Variants in RASSF2 observed in about 807,000 individuals in gnomAD.
RASSF2 encodes the protein ras association domain-containing protein 2.
In RASSF2, 34 loss-of-function variants were observed where a neutral mutation model predicts 46.3. That is an observed-to-expected ratio of 0.73 (90% CI 0.56 to 0.98). The LOEUF (loss-of-function observed/expected upper bound fraction) is 0.98, where lower values mean the gene tolerates loss of function less well. Among genes scored for constraint, RASSF2 ranks in the 50% least tolerant of loss-of-function variants. The probability of loss-of-function intolerance (pLI) is 0.00; values close to 1 mark genes in which losing one functional copy is unlikely to be tolerated. For synonymous variants in RASSF2, 158 were observed against 162.5 expected, an observed-to-expected ratio of 0.97 and a Z score of 0.21; for missense variants, 364 against 431.2, an observed-to-expected ratio of 0.84 and a Z score of 1.38.
At chr20:4,797,232 A>G (rs199585818) in intron 4 of RASSF2, among the ~76,000 whole-genome samples, 1 of 152,304 alleles carries the variant, frequency 6.6e-6, no homozygotes, top group African/African-American at 2.4e-5. Context: ...GAGTGGTTTG[A>G]GGGACACAGA....
In RASSF2 at chr20:4,812,687, T is replaced by TTA. The variant is rs2122651564; in HGVS notation, c.-33+9641_-33+9642insTA. 6.6e-6 allele frequency among the ~76,000 whole-genome samples: 1 copy of TTA among 152,314 alleles called. No homozygotes were observed. Among genetic ancestry groups the TTA allele is most frequent in the Admixed American group, 6.5e-5 (1 of 15,310 alleles). On this transcript the variant is annotated intron_variant, in intron 2 of 11. Coordinates refer to ENST00000379400, the MANE Select transcript of RASSF2 (RefSeq NM_014737.3). The surrounding 1 kb of genome is among the most constrained non-coding windows in gnomAD (Gnocchi z 4.0). ...CCAGGGCTGCTGCTGATGCTGCTGG[T>TTA]GGTAGCAGGCTCTAGATGCTTTATC...
At chr20:4,819,704 C>T (rs1310276790) in intron 2 of RASSF2, among the ~76,000 whole-genome samples, 1 of 152,192 alleles carries the variant, frequency 6.6e-6, no homozygotes, top group Non-Finnish European at 1.5e-5. Flanking sequence ...TAAAAATGAG[C>T]AGTTAATCAC....
At chr20:4,821,331 A>G (rs1928676477) in intron 2 of RASSF2, among the ~76,000 whole-genome samples, 1 of 152,240 alleles carries the variant, frequency 6.6e-6, no homozygotes, top group African/African-American at 2.4e-5. Flanking sequence ...GGACAGAGTG[A>G]GGCCACGCTC....
chr20:4,803,498 G>C (rs1927066142), intron 2 of RASSF2, among the ~76,000 whole-genome samples: 2 of 152,142 alleles, frequency 1.3e-5, no homozygotes, highest in African/African-American at 4.8e-5. Flanking sequence ...TCATGCCCGT[G>C]ACTGCAATAC....
At chr20:4,820,329 A>C (rs1928606913) in intron 2 of RASSF2, among the ~76,000 whole-genome samples, 1 of 151,626 alleles carries the variant, frequency 6.6e-6, no homozygotes, top group South Asian at 2.1e-4. Flanking sequence ...ACATAGCGAG[A>C]CTTCATCTCT....
chr20:4,787,766 C>G lies in RASSF2; in HGVS notation c.692-12G>C. The G allele has an allele frequency of 6.2e-7, 1 of 1,614,174 alleles. No homozygotes were observed. Among genetic ancestry groups the G allele is most frequent in the Non-Finnish European group, 8.5e-7 (1 of 1,180,036 alleles). On this transcript the variant is annotated splice_polypyrimidine_tract_variant and intron_variant, in intron 9 of 11. Coordinates refer to ENST00000379400, the MANE Select transcript of RASSF2 (RefSeq NM_014737.3). The stretch of plus-strand genomic sequence containing the variant: ...CAGCTTCTGTTTCTCTGCAACCACA[C>G]ACACCCAGGAGCAGCCCTGAGAGGC...
intron 9 of RASSF2, among the ~76,000 whole-genome samples, chr20:4,787,965 G>C (rs918041486): frequency 3.3e-5 from 5 of 152,182 alleles, no homozygotes; most frequent in East Asian, 3.9e-4. Flanking sequence ...CTCCTTGGAG[G>C]AATTGGGTTT....
chr20:4,818,640 C>T (rs1358148987), intron 2 of RASSF2, among the ~76,000 whole-genome samples: 2 of 152,170 alleles, frequency 1.3e-5, no homozygotes, highest in Non-Finnish European at 2.9e-5. Flanking sequence ...CCCCCAAAGC[C>T]CCTACCAAGA....
intron 5 of RASSF2, among the ~76,000 whole-genome samples, chr20:4,793,569 A>G (rs1189518826): frequency 6.6e-6 from 1 of 152,240 alleles, no homozygotes; most frequent in Non-Finnish European, 1.5e-5. Flanking sequence ...CACCCAGAGC[A>G]GCGACTCCCA....
At chr20:4,815,872 T>C (rs73593115) in intron 2 of RASSF2, among the ~76,000 whole-genome samples, 3,091 of 152,302 alleles carry the variant, frequency 0.02, 95 homozygotes, top group African/African-American at 0.07. Flanking sequence ...AGCACCCTGA[T>C]ACTGCCCAGG....
In RASSF2 at chr20:4,790,412, A is replaced by G; in HGVS notation, c.537+39T>C. On this transcript the variant is annotated intron_variant, in intron 7 of 11. Coordinates refer to ENST00000379400, the MANE Select transcript of RASSF2 (RefSeq NM_014737.3). The surrounding 1 kb of genome is among the most constrained non-coding windows in gnomAD (Gnocchi z 4.3). ...GCCCTGAGGTGGCATCTACCCAGGA[A>G]GAGGTCTTCCACCCTCCCCGTCCCC... 3 of 1,418,342 alleles carry G rather than the reference A, an allele frequency of 2.1e-6. No individual in the cohort carries two copies. Among genetic ancestry groups the G allele is most frequent in the South Asian group, 3.5e-5 (2 of 57,846 alleles). The allele number at this position is 1,418,342 out of a possible 1,614,324, so 87.9% of individuals were successfully genotyped here.
In RASSF2 at chr20:4,783,760, A is replaced by T. The variant is rs1038362258; in HGVS notation, c.*513T>A. 1 of 153,994 alleles carries T rather than the reference A, an allele frequency of 6.5e-6. No individual in the cohort carries two copies. Among genetic ancestry groups the T allele is most frequent in the Admixed American group, 6.4e-5 (1 of 15,616 alleles). 9.5% of individuals were successfully genotyped at this position (153,994 alleles called of 1,614,324 possible). On this transcript the variant is annotated 3_prime_UTR_variant, in exon 12 of 12. Transcript: ENST00000379400. ...CAGGGAGAATTTCTACCAACATATA[A>T]ACAACCCAAATGGTGAACCTGGAGA...
intron 5 of RASSF2, among the ~76,000 whole-genome samples, chr20:4,794,259 T>C (rs1034555887): frequency 2.6e-5 from 4 of 151,978 alleles, no homozygotes; most frequent in Non-Finnish European, 5.9e-5. Flanking sequence ...ACCCCATTTC[T>C]ACAAAAAACA....
Position 4,792,603 on chromosome 20 carries a change from C to T in RASSF2, c.312G>A (p.Val104=), listed in dbSNP as rs1925990785. The T allele has an allele frequency of 1.2e-6, 2 of 1,613,944 alleles. No individual in the cohort carries two copies. The highest frequency in any genetic ancestry group is 1.7e-6 in the Non-Finnish European group (2 of 1,179,966). ...AQGTTLKPLT[V]PKVQISEVDA... ...CCACCTCTGAGATCTGAACTTTGGG[C>T]ACAGTCAGGGGCTTCAGAGTGGTTC... The change falls in exon 6 of 12, where the codon GTG becomes GTA. Residue 104 remains valine (V), a synonymous_variant. Transcript: ENST00000379400.
intron 2 of RASSF2, among the ~76,000 whole-genome samples, chr20:4,810,806 G>A (rs1927725601): frequency 6.6e-6 from 1 of 152,162 alleles, no homozygotes; most frequent in Admixed American, 6.5e-5. Context: ...ATAGGCTCCA[G>A]GCAGCCCCAG....
At chr20:4,818,749 C>A (rs1020538648) in intron 2 of RASSF2, among the ~76,000 whole-genome samples, 3 of 152,148 alleles carry the variant, frequency 2.0e-5, no homozygotes, top group Admixed American at 1.3e-4. Context: ...CTAAGAGCAG[C>A]CTCTCTCCAA....
At position 4,789,632 on chromosome 20, in the gene RASSF2, G is replaced by T; in HGVS notation, c.603C>A (p.Thr201=). 6.2e-7 allele frequency: 1 copy of T among 1,614,178 alleles called. No individual in the cohort carries two copies. Among genetic ancestry groups the T allele is most frequent in the Non-Finnish European group, 8.5e-7 (1 of 1,180,030 alleles). The part of the protein sequence containing the change: ...TNVRINSTMT[T]PQVLKLLLNK... ...TGAGCAGCAGCTTCAGGACCTGTGG[G>T]GTGGTCATGGTGCTGTTGATGCGGA... The change falls in exon 8 of 12, where the codon ACC becomes ACA. Residue 201 remains threonine, a synonymous_variant. Coordinates refer to ENST00000379400, the MANE Select transcript of RASSF2 (RefSeq NM_014737.3).
At chr20:4,819,589 T>C (rs1464730613) in intron 2 of RASSF2, among the ~76,000 whole-genome samples, 1 of 152,154 alleles carries the variant, frequency 6.6e-6, no homozygotes, top group Non-Finnish European at 1.5e-5. Context: ...CAGTGGAACA[T>C]GGGCAGGAGA....
intron 2 of RASSF2, 96 bp from the exon 3 acceptor site, chr20:4,801,158 C>T: frequency 1.2e-6 from 1 of 849,644 alleles, no homozygotes; most frequent in Non-Finnish European, 1.9e-6. Context: ...AATTGGACGC[C>T]ATGGCTCTCC....
Sources: allele counts gnomAD v4.1 joint callset (sites outside exome capture counted in the v4.1 genomes callset), GRCh38; gene constraint gnomAD v4.1.1; non-coding constraint Gnocchi (gnomAD v3.1); transcripts MANE v1.5; gene names NCBI Gene and HGNC (gene_info 2026-07-23, HGNC 2026-07-21).